EVC: variants seen among roughly 807,000 people sequenced by gnomAD.
EVC encodes EvC ciliary complex subunit 1.
In EVC, 116 loss-of-function variants were observed where a neutral mutation model predicts 118.9. That is an observed-to-expected ratio of 0.98 (90% CI 0.84 to 1.14). The LOEUF (loss-of-function observed/expected upper bound fraction) is 1.14. Ranked by LOEUF, EVC falls within the 50% of genes most tolerant of loss-of-function variation. The pLI, the probability that EVC is intolerant of heterozygous loss-of-function variation, is 0.00. For missense variants in EVC, 1,401 were observed against 1,246.4 expected, an observed-to-expected ratio of 1.12 and a Z score of -1.87; for synonymous variants, 619 against 534.7, an observed-to-expected ratio of 1.16 and a Z score of -2.18.
Position 5,811,968 on chromosome 4 carries a change from T to C in EVC, c.*931T>C, listed in dbSNP as rs6840435. 0.57 allele frequency: 74,329 copies of C among 131,138 alleles called. 19,189 individuals carry two copies. The highest frequency in any genetic ancestry group is 0.66 in the South Asian group (2,938 of 4,458). 8.1% of individuals were successfully genotyped at this position (131,138 alleles called of 1,614,324 possible). On this transcript the variant is annotated 3_prime_UTR_variant, in exon 21 of 21. Transcript: ENST00000264956. The stretch of plus-strand genomic sequence containing the variant: ...CCGCCTGGAAACTTCCGGACAAGCC[T>C]CTCACACACCACAGCCAGGAGAGGC...
intron 11 of EVC, among the ~76,000 whole-genome samples, chr4:5,781,000 T>G (rs1269612092): frequency 1.3e-5 from 2 of 152,200 alleles, no homozygotes; most frequent in Non-Finnish European, 2.9e-5. Context: ...GAAGCTATCT[T>G]GAGCTTAGAG....
At position 5,746,427 on chromosome 4, in the gene EVC, G is replaced by T. The variant is rs1729362466; in HGVS notation, c.939+1086G>T. On this transcript the variant is annotated intron_variant, in intron 7 of 20. Transcript: ENST00000264956. The surrounding 1 kb of genome is among the most constrained non-coding windows in gnomAD (Gnocchi z 5.8). ...GAGGGGGTCCAGGGTCAGTGCTGCT[G>T]AAATAAGCGCCCCAGAGCAAGATGC... Among the ~76,000 whole-genome samples, 1 of 152,198 alleles carries T rather than the reference G, an allele frequency of 6.6e-6. No homozygotes were observed. The highest frequency in any genetic ancestry group is 6.5e-5 in the Admixed American group (1 of 15,282).
In EVC at chr4:5,809,520, A is replaced by C; in HGVS notation, c.2691A>C (p.Glu897Asp). 6.2e-7 allele frequency: 1 copy of C among 1,614,152 alleles called. No individual in the cohort carries two copies. Among genetic ancestry groups the C allele is most frequent in the Non-Finnish European group, 8.5e-7 (1 of 1,180,016 alleles). The change falls in exon 19 of 21, where the codon GAA becomes GAC. Residue 897 changes from glutamate to aspartate, a missense_variant and splice_region_variant. Coordinates refer to ENST00000264956, the MANE Select transcript of EVC (RefSeq NM_153717.3). ...GCTCCTCTCTGCTTGCATTTCAGGA[A>C]GCTGAACAGAACTTCATCTCCGAGC... The part of the protein sequence containing the change: ...LEAQLETQLQ[E>D]AEQNFISELA...
chr4:5,781,161 G>T (rs1402173544), intron 11 of EVC, among the ~76,000 whole-genome samples: 1 of 152,178 alleles, frequency 6.6e-6, no homozygotes, highest in African/African-American at 2.4e-5. Context: ...CAGAAAAGGA[G>T]ACCTCGAATT....
In EVC at chr4:5,742,160, T is replaced by C. The variant is rs112058520; in HGVS notation, c.801+346T>C. ...ACTACTTTGTATTCTATTCTCAGTC[T>C]TTTATGGAAAGTTTATTTTGTCTCA... On this transcript the variant is annotated intron_variant, in intron 6 of 20. Coordinates refer to ENST00000264956, the MANE Select transcript of EVC (RefSeq NM_153717.3). The surrounding 1 kb of genome is among the most constrained non-coding windows in gnomAD (Gnocchi z 5.2). 0.032 allele frequency among the ~76,000 whole-genome samples: 4,947 copies of C among 152,300 alleles called. 76 individuals are homozygous for C. The highest frequency in any genetic ancestry group is 0.058 in the Middle Eastern group (17 of 294).
downstream of EVC, among the ~76,000 whole-genome samples, chr4:5,817,294 C>A (rs969823540): frequency 1.3e-5 from 2 of 152,194 alleles, no homozygotes; most frequent in African/African-American, 4.8e-5. Context: ...GCTGGGACCC[C>A]AAGCTACCCA....
chr4:5,782,410 T>A (rs1735742272), intron 11 of EVC, among the ~76,000 whole-genome samples: 1 of 145,056 alleles, frequency 6.9e-6, no homozygotes. Flanking sequence ...TTTTTTTTTT[T>A]TTTGAGACGG....
chr4:5,778,510 G>C (rs1353349883), intron 11 of EVC, among the ~76,000 whole-genome samples: 1 of 151,980 alleles, frequency 6.6e-6, no homozygotes, highest in Non-Finnish European at 1.5e-5. Context: ...GTTGTTTCCT[G>C]ACTTTTTAAT....
the EVC span, chr4:5,825,390 C>T: frequency 7.5e-6 from 11 of 1,469,038 alleles, no homozygotes; most frequent in Non-Finnish European, 8.9e-6. The surrounding 1 kb of genome is among the most constrained non-coding windows in gnomAD (Gnocchi z 4.4). Flanking sequence ...CCTGCTTCTT[C>T]ATCTAGTGTC....
chr4:5,795,066 C>A (rs1297678380), intron 13 of EVC, among the ~76,000 whole-genome samples: 1 of 152,168 alleles, frequency 6.6e-6, no homozygotes, highest in African/African-American at 2.4e-5. Context: ...AACATGATTT[C>A]ATTATTTTTT....
In EVC at chr4:5,811,234, C is replaced by T. The variant is rs574903334; in HGVS notation, c.*197C>T. On this transcript the variant is annotated 3_prime_UTR_variant, in exon 21 of 21. Transcript: ENST00000264956. ...ATCACCTGAGAAAATTAGGCATTCC[C>T]GTCTTGGAAACACGTCTCTGTGAGT... is the stretch of plus-strand genomic sequence containing the variant. 47 of 575,322 alleles carry T rather than the reference C, an allele frequency of 8.2e-5. No homozygotes were observed. Among genetic ancestry groups the T allele is most frequent in the Non-Finnish European group, 1.2e-4 (38 of 320,984 alleles). The allele number at this position is 575,322 out of a possible 1,614,324, so 35.6% of individuals were successfully genotyped here. A position where few individuals can be genotyped will look rare whatever the true frequency, so the allele number is the denominator to read the frequency against.
intron 7 of EVC, among the ~76,000 whole-genome samples, chr4:5,747,811 G>A (rs377334349): frequency 6.6e-6 from 1 of 152,198 alleles, no homozygotes; most frequent in East Asian, 1.9e-4. Context: ...GCTTCCATGA[G>A]CACATTGTCA....
In EVC at chr4:5,755,668, A is replaced by G. The variant is rs1022285736; in HGVS notation, c.1465-596A>G. On this transcript the variant is annotated intron_variant, in intron 10 of 20. Coordinates refer to ENST00000264956, the MANE Select transcript of EVC (RefSeq NM_153717.3). The surrounding 1 kb of genome is among the most constrained non-coding windows in gnomAD (Gnocchi z 4.1). ...GAGACTCCATTGAAACATCTCCCCA[A>G]CAGGGAATTTTCTCCTGCAACCCTT... 6.6e-6 allele frequency among the ~76,000 whole-genome samples: 1 copy of G among 151,854 alleles called. No homozygotes were observed. The highest frequency in any genetic ancestry group is 2.4e-5 in the African/African-American group (1 of 41,328).
chr4:5,824,617 G>C, the EVC span: 4 of 949,388 alleles, frequency 4.2e-6, no homozygotes, highest in African/African-American at 3.5e-5. Flanking sequence ...TCCATGACCT[G>C]AGAATAGTTT....
the EVC span, chr4:5,828,643 C>G: frequency 6.2e-7 from 1 of 1,614,212 alleles, no homozygotes; most frequent in Non-Finnish European, 8.5e-7. Flanking sequence ...GCACTCCATA[C>G]CCTCGAAGAT....
intron 4 of EVC, among the ~76,000 whole-genome samples, chr4:5,732,394 G>A (rs1445673352): frequency 6.6e-6 from 1 of 152,244 alleles, no homozygotes; most frequent in Non-Finnish European, 1.5e-5. Context: ...CCTGAAAGTG[G>A]CCCAGGCAGA....
At chr4:5,792,990 C>A (rs1713075388) in intron 12 of EVC, among the ~76,000 whole-genome samples, 1 of 152,238 alleles carries the variant, frequency 6.6e-6, no homozygotes, top group Middle Eastern at 3.4e-3. Flanking sequence ...TAAAATCAAC[C>A]CAATTATGAG....
intron 13 of EVC, among the ~76,000 whole-genome samples, chr4:5,794,239 TTA>T (rs1185724813): frequency 1.5e-3 from 118 of 77,920 alleles, no homozygotes; most frequent in South Asian, 3.8e-3. Flanking sequence ...ATATATATAT[TTA>T]TATATATATT....
chr4:5,745,154 C>T, intron 6 of EVC, 50 bp from the exon 7 acceptor site: 1 of 1,579,896 alleles, frequency 6.3e-7, no homozygotes, highest in Non-Finnish European at 8.7e-7. Flanking sequence ...TTAAGACACG[C>T]TAAACTTTTT....
Sources: allele counts gnomAD v4.1 joint callset (sites outside exome capture counted in the v4.1 genomes callset), GRCh38; gene constraint gnomAD v4.1.1; non-coding constraint Gnocchi (gnomAD v3.1); transcripts MANE v1.5; gene names NCBI Gene and HGNC (gene_info 2026-07-23, HGNC 2026-07-21).